Variants in CDC14A observed in about 807,000 individuals in gnomAD.
CDC14A encodes the protein cell division cycle 14A, also known as dual specificity protein phosphatase CDC14A.
A neutral mutation model predicts 74.4 loss-of-function variants in CDC14A; 53 were observed. That is an observed-to-expected ratio of 0.71 (90% CI 0.57 to 0.89). The LOEUF is 0.89. Ranked by LOEUF, CDC14A falls within the 40% of genes least tolerant of loss-of-function variation. CDC14A has a pLI of 0.00. For synonymous variants in CDC14A, 247 were observed against 258.4 expected (o/e 0.96, Z 0.43); for missense variants, 646 against 713.7 (o/e 0.91, Z 1.08).
chr1:100,484,630 A>C (rs1669849811), intron 11 of CDC14A, 179 bp downstream of exon 11: 4 of 1,192,110 alleles, frequency 3.4e-6, no homozygotes, highest in Non-Finnish European at 4.2e-6. Flanking sequence ...TTGCCCTTAA[A>C]AAAAAAAAAG....
Position 100,352,736 on chromosome 1 carries a change from C to T in CDC14A, c.-219C>T. The T allele has an allele frequency of 7.2e-7, 1 of 1,393,516 alleles. No individual in the cohort carries two copies. The highest frequency in any genetic ancestry group is 9.3e-7 in the Non-Finnish European group (1 of 1,078,424). The allele number at this position is 1,393,516 out of a possible 1,614,324, so 86.3% of individuals were successfully genotyped here. The stretch of plus-strand genomic sequence containing the variant: ...GGCCACAGCCAGGGGCGTGAGCGCC[C>T]CGCGCGGAGCGAGCTCGGGTTCCCC... On this transcript the variant is annotated 5_prime_UTR_variant, in exon 1 of 16. Transcript: ENST00000336454.
chr1:100,459,097 A>G (rs937675566), intron 8 of CDC14A, among the ~76,000 whole-genome samples: 5 of 136,666 alleles, frequency 3.7e-5, no homozygotes, highest in African/African-American at 5.9e-5. Flanking sequence ...ACACACACAC[A>G]CACGCACACA....
intron 15 of CDC14A, among the ~76,000 whole-genome samples, chr1:100,509,723 G>T (rs780338971): frequency 6.6e-5 from 10 of 152,228 alleles, no homozygotes. Context: ...TTTGGTAAAT[G>T]ACGCAGGCTC....
intron 15 of CDC14A, among the ~76,000 whole-genome samples, chr1:100,507,400 G>A (rs1649332650): frequency 6.6e-6 from 1 of 151,960 alleles, no homozygotes; most frequent in Non-Finnish European, 1.5e-5. Context: ...TATCTTGCCT[G>A]GCATCAGTGT....
At chr1:100,489,875 T>C (rs188115519) in intron 11 of CDC14A, among the ~76,000 whole-genome samples, 6 of 152,248 alleles carry the variant, frequency 3.9e-5, no homozygotes, top group African/African-American at 9.6e-5. Flanking sequence ...TCTCCTGGAC[T>C]AGCTTAGGAC....
chr1:100,435,627 G>A (rs1276899703), intron 5 of CDC14A, among the ~76,000 whole-genome samples: 2 of 151,934 alleles, frequency 1.3e-5, no homozygotes, highest in Admixed American at 1.3e-4. Context: ...TCAGGAGTTC[G>A]AGACCAGCCT....
At chr1:100,360,431 C>T (rs973455178) in intron 2 of CDC14A, among the ~76,000 whole-genome samples, 3 of 151,770 alleles carry the variant, frequency 2.0e-5, no homozygotes, top group Non-Finnish European at 2.9e-5. Context: ...GCAACCTCCA[C>T]CTCCGGGGTT....
chr1:100,376,267 G>A (rs12015134), intron 2 of CDC14A, among the ~76,000 whole-genome samples: 2,332 of 152,092 alleles, frequency 0.015, 61 homozygotes, highest in African/African-American at 0.053. Flanking sequence ...AAATGTGCAC[G>A]TTGTGCACAT....
chr1:100,512,300 C>T lies in CDC14A; in HGVS notation c.1756-5951C>T, dbSNP rs191123909. ...GAGGTTCCACAGTACAGTATAAGTG[C>T]CTAATAAATACTTATTGAACTAAAA... is the stretch of plus-strand genomic sequence containing the variant. On this transcript the variant is annotated intron_variant, in intron 15 of 15. Transcript: ENST00000336454. Among the ~76,000 whole-genome samples the T allele has an allele frequency of 3.9e-4, 60 of 152,102 alleles. 1 individual carries two copies. Among genetic ancestry groups the T allele is most frequent in the African/African-American group, 1.4e-3 (57 of 41,494 alleles).
At chr1:100,445,751 G>A (rs766871969) in intron 7 of CDC14A, among the ~76,000 whole-genome samples, 1 of 152,198 alleles carries the variant, frequency 6.6e-6, no homozygotes, top group African/African-American at 2.4e-5. Flanking sequence ...CAAGAAGGTA[G>A]TCATGGTTTC....
intron 15 of CDC14A, among the ~76,000 whole-genome samples, chr1:100,513,270 GTA>G (rs147547730): frequency 0.032 from 4,929 of 152,212 alleles, 266 homozygotes; most frequent in African/African-American, 0.11. Context: ...CTATAGTTAT[GTA>G]TATAAAATAC....
At chr1:100,441,279 A>T (rs934224800) in intron 6 of CDC14A, among the ~76,000 whole-genome samples, 2 of 152,224 alleles carry the variant, frequency 1.3e-5, no homozygotes, top group Admixed American at 6.5e-5. Context: ...GTTAACTCAA[A>T]GACAAATGAG....
chr1:100,420,087 GTA>G (rs1428379033), intron 4 of CDC14A, among the ~76,000 whole-genome samples: 6 of 47,882 alleles, frequency 1.3e-4, no homozygotes, highest in South Asian at 7.8e-4. Flanking sequence ...TATATAGTGT[GTA>G]TGTGTGTGTG....
At chr1:100,373,226 ATTG>A (rs150534623) in intron 2 of CDC14A, among the ~76,000 whole-genome samples, 19,785 of 152,056 alleles carry the variant, frequency 0.13, 1,484 homozygotes, top group Non-Finnish European at 0.16. Context: ...TGATTTCAAT[ATTG>A]TTGTGTCTCA....
At chr1:100,509,700 C>T (rs975281033) in intron 15 of CDC14A, among the ~76,000 whole-genome samples, 8 of 152,294 alleles carry the variant, frequency 5.3e-5, no homozygotes, top group African/African-American at 1.9e-4. Context: ...TGGATTTGCC[C>T]GTAACAGAAA....
chr1:100,448,740 C>T (rs1489533642), intron 7 of CDC14A, among the ~76,000 whole-genome samples: 1 of 152,206 alleles, frequency 6.6e-6, no homozygotes, highest in African/African-American at 2.4e-5. Context: ...TCCTTATGGC[C>T]TCATTCTCAT....
chr1:100,501,838 A>G (rs909968527), intron 15 of CDC14A, among the ~76,000 whole-genome samples: 1 of 152,172 alleles, frequency 6.6e-6, no homozygotes, highest in Non-Finnish European at 1.5e-5. Context: ...GTGTAGGCCC[A>G]GGCTAATGTG....
chr1:100,497,082 T>C (rs1311848330), intron 13 of CDC14A, among the ~76,000 whole-genome samples: 1 of 152,188 alleles, frequency 6.6e-6, no homozygotes, highest in Non-Finnish European at 1.5e-5. Context: ...GATAGACAAA[T>C]ATCAGATGAC....
At chr1:100,461,794 A>G (rs1667339889) in intron 8 of CDC14A, among the ~76,000 whole-genome samples, 1 of 152,298 alleles carries the variant, frequency 6.6e-6, no homozygotes, top group South Asian at 2.1e-4. Context: ...GTTATTGTTT[A>G]TTTTTAACTA....
Sources: allele counts gnomAD v4.1 joint callset (sites outside exome capture counted in the v4.1 genomes callset), GRCh38; gene constraint gnomAD v4.1.1; transcripts MANE v1.5; gene names NCBI Gene and HGNC (gene_info 2026-07-23, HGNC 2026-07-21).